Variants in PRKDC observed in about 807,000 individuals in gnomAD.
The protein encoded by PRKDC is protein kinase, DNA-activated, catalytic subunit.
Under a neutral mutation model 486.9 loss-of-function variants are expected in PRKDC, and 82 were observed. That is an observed-to-expected ratio of 0.17 (90% confidence interval 0.14 to 0.20). The LOEUF (loss-of-function observed/expected upper bound fraction) is 0.20. Ranked by LOEUF, PRKDC falls within the 10% of genes least tolerant of loss-of-function variation. The probability of loss-of-function intolerance (pLI) is 1.00; values close to 1 mark genes in which losing one functional copy is unlikely to be tolerated. For synonymous variants in PRKDC, 1,895 were observed against 1,837.0 expected, an observed-to-expected ratio of 1.03 and a Z score of -0.81; for missense variants, 4,504 against 5,038.2, an observed-to-expected ratio of 0.89 and a Z score of 3.21.
chr8:47,807,452 TCTGTTGCC>T, intron 68 of PRKDC, 126 bp from the exon 69 acceptor site: 1 of 800,820 alleles, frequency 1.2e-6, no homozygotes, highest in Non-Finnish European at 1.8e-6. Context: ...GGAGTCTCAC[TCTGTTGCC>T]CAGGCTGGAG....
At chr8:47,843,404 A>C (rs2088195690) in intron 54 of PRKDC, among the ~76,000 whole-genome samples, 1 of 152,220 alleles carries the variant, frequency 6.6e-6, no homozygotes, top group African/African-American at 2.4e-5. Context: ...GTAAAAATCC[A>C]TTATATGTAA....
intron 9 of PRKDC, 58 bp downstream of exon 9, chr8:47,943,795 C>T (rs973992914): frequency 2.2e-6 from 3 of 1,378,098 alleles, no homozygotes; most frequent in African/African-American, 2.9e-5. Context: ...CAAAAGCTTA[C>T]TTGAGATGTT....
At chr8:47,839,645 A>G (rs1237859457) in intron 55 of PRKDC, among the ~76,000 whole-genome samples, 1 of 152,254 alleles carries the variant, frequency 6.6e-6, no homozygotes, top group African/African-American at 2.4e-5. Context: ...CATATGTGAA[A>G]TGAGTTTTTA....
intron 69 of PRKDC, 110 bp from the exon 70 acceptor site, chr8:47,803,590 C>T (rs1181293248): frequency 5.5e-6 from 5 of 917,042 alleles, no homozygotes; most frequent in South Asian, 2.9e-5. Context: ...CTTAGAGTAG[C>T]GAATCCATTT....
chr8:47,851,858 G>A (rs2088413378), intron 52 of PRKDC, among the ~76,000 whole-genome samples: 1 of 152,156 alleles, frequency 6.6e-6, no homozygotes, highest in Non-Finnish European at 1.5e-5. Flanking sequence ...CTCTGCAGCA[G>A]CAAGATCCCC....
chr8:47,905,200 T>A (rs1203538748), intron 25 of PRKDC, among the ~76,000 whole-genome samples: 1 of 149,932 alleles, frequency 6.7e-6, no homozygotes, highest in Admixed American at 6.6e-5. Flanking sequence ...TAACTTAAAA[T>A]TTTTTTTTTG....
chr8:47,908,661 A>G (rs529862957), intron 25 of PRKDC, among the ~76,000 whole-genome samples: 2 of 152,330 alleles, frequency 1.3e-5, no homozygotes, highest in South Asian at 4.1e-4. Flanking sequence ...GACATTCTCC[A>G]GACTTTACAG....
chr8:47,822,715 G>A (rs1339508438), intron 64 of PRKDC, among the ~76,000 whole-genome samples: 3 of 152,100 alleles, frequency 2.0e-5, no homozygotes, highest in Non-Finnish European at 2.9e-5. Flanking sequence ...GCGTGAACCC[G>A]GAAGGCAGAG....
At chr8:47,954,491 G>GA (rs776309092) in intron 4 of PRKDC, 45 bp from the exon 5 acceptor site, 164 of 721,530 alleles carry the variant, frequency 2.3e-4, no homozygotes, top group South Asian at 3.5e-4. Flanking sequence ...CGGGAATCAA[G>GA]AAAAAAAACA....
chr8:47,882,555 G>A (rs1383329626), intron 36 of PRKDC, among the ~76,000 whole-genome samples: 1 of 151,232 alleles, frequency 6.6e-6, no homozygotes, highest in Non-Finnish European at 1.5e-5. Context: ...ACATACTTCC[G>A]GTCCCACCAC....
At chr8:47,900,328 C>A (rs766365916) in intron 28 of PRKDC, 45 bp downstream of exon 28, 2 of 1,397,986 alleles carry the variant, frequency 1.4e-6, no homozygotes, top group Non-Finnish European at 1.9e-6. Context: ...ATTGGGGAAA[C>A]TCTTCAGACC....
At chr8:47,882,196 T>C in intron 36 of PRKDC, 99 bp from the exon 37 acceptor site, 1 of 1,146,160 alleles carries the variant, frequency 8.7e-7, no homozygotes, top group Non-Finnish European at 1.2e-6. Flanking sequence ...GGAAAATAAA[T>C]AAGCTATTTC....
At chr8:47,896,140 ATT>A (rs1303101143) in intron 30 of PRKDC, among the ~76,000 whole-genome samples, 4 of 152,106 alleles carry the variant, frequency 2.6e-5, no homozygotes, top group African/African-American at 9.7e-5. Context: ...GATATAGTAA[ATT>A]TATACTTCAT....
At chr8:47,912,618 A>G (rs1202086503) in intron 24 of PRKDC, 56 bp from the exon 25 acceptor site, 13 of 1,457,146 alleles carry the variant, frequency 8.9e-6, no homozygotes, top group Admixed American at 4.5e-5. Context: ...TGACAAGAGA[A>G]TATTTGAAAT....
chr8:47,807,009 A>C lies in PRKDC; in HGVS notation c.9747+128T>G, dbSNP rs143240429. Reference sequence around the variant, plus strand: ...CTGCACCCGGCCAAGTTTACTTATAAAGAGAGAAAAAAAATAACACCTACC... The same window carrying C: ...CTGCACCCGGCCAAGTTTACTTATACAGAGAGAAAAAAAATAACACCTACC... On this transcript the variant is annotated intron_variant, in intron 69 of 85. Transcript: ENST00000314191. The C allele has an allele frequency of 5.8e-4, 570 of 982,770 alleles. 3 individuals are homozygous for C. The highest frequency in any genetic ancestry group is 7.1e-4 in the Non-Finnish European group (498 of 704,978). 60.9% of individuals were successfully genotyped at this position (982,770 alleles called of 1,614,324 possible). A position where few individuals can be genotyped will look rare whatever the true frequency, so the allele number is the denominator to read the frequency against.
At chr8:47,950,595 C>T (rs1051504117) in intron 7 of PRKDC, among the ~76,000 whole-genome samples, 1 of 149,242 alleles carries the variant, frequency 6.7e-6, no homozygotes, top group Admixed American at 6.7e-5. Flanking sequence ...TGCCACTGCA[C>T]TCCAGCCTGG....
At chr8:47,915,110 C>CA (rs1204512787) in intron 23 of PRKDC, among the ~76,000 whole-genome samples, 1 of 152,124 alleles carries the variant, frequency 6.6e-6, no homozygotes, top group Non-Finnish European at 1.5e-5. Context: ...ACATGCTTAA[C>CA]AAGTCAAGCT....
chr8:47,875,993 A>C (rs1211528890), intron 40 of PRKDC, among the ~76,000 whole-genome samples: 1 of 152,234 alleles, frequency 6.6e-6, no homozygotes, highest in Non-Finnish European at 1.5e-5. Context: ...TGAACAAAGA[A>C]GCCAGGAATA....
At chr8:47,873,227 C>CA (rs60385860) in intron 40 of PRKDC, among the ~76,000 whole-genome samples, 2,971 of 70,536 alleles carry the variant, frequency 0.042, 97 homozygotes, top group Non-Finnish European at 0.051. Context: ...GACTCCATCT[C>CA]AAAAAAAAAA....
Sources: gnomAD v4.1 joint callset for allele counts (sites outside exome capture counted in the v4.1 genomes callset) on GRCh38, gnomAD v4.1.1 for gene constraint, MANE v1.5 for transcripts, NCBI Gene and HGNC (gene_info 2026-07-23, HGNC 2026-07-21) for gene names.